The following MATR3 variants were observed in gnomAD, a reference collection of about 807,000 sequenced individuals.
The protein encoded by MATR3 is matrin 3, also known as matrin-3.
MATR3 carries 4 observed loss-of-function variants against 85.5 expected under a neutral mutation model. The ratio of observed to expected loss-of-function variants is 0.05; its 90% CI spans 0.02 to 0.11. The LOEUF is 0.11. MATR3 is among the 10% of genes least tolerant of loss of function. MATR3 has a pLI of 1.00. For missense variants in MATR3, 685 were observed against 1,016.1 expected (o/e 0.67, Z 4.43); for synonymous variants, 336 against 343.1 (o/e 0.98, Z 0.23).
intron 2 of MATR3, chr5:139,312,688 C>T (rs910706437): frequency 2.6e-5 from 4 of 152,268 alleles, no homozygotes; most frequent in African/African-American, 9.6e-5. Flanking sequence ...CAGTTTCACT[C>T]TTGCCCAGAC....
chr5:139,315,148 ATTT>A (rs576618521), intron 3 of MATR3: 170 of 172,452 alleles, frequency 9.9e-4, no homozygotes, highest in South Asian at 2.8e-3. Flanking sequence ...TTGGTGATGA[ATTT>A]TTTTTTTTTT....
intron 10 of MATR3, 136 bp from the exon 11 acceptor site, chr5:139,322,327 C>G: frequency 1.2e-6 from 1 of 844,348 alleles, no homozygotes; most frequent in Non-Finnish European, 2.0e-6. Context: ...TGTCTGTAGG[C>G]AGCTTAGGTT....
At position 139,329,493 on chromosome 5, in the gene MATR3, T is replaced by G. The variant is rs1756025468; in HGVS notation, c.*98T>G. Reference sequence around the variant, plus strand: ...ACAATACTGATAGTTAGAAGAAAACTATTGTACTCTTTTGTTTTAGTGGAG... The same window carrying G: ...ACAATACTGATAGTTAGAAGAAAACGATTGTACTCTTTTGTTTTAGTGGAG... On this transcript the variant is annotated 3_prime_UTR_variant, in exon 15 of 15. Transcript: ENST00000394805. The G allele has an allele frequency of 9.9e-7, 1 of 1,007,592 alleles. No homozygotes were observed. The allele number at this position is 1,007,592 out of a possible 1,614,324, so 62.4% of individuals were successfully genotyped here.
chr5:139,323,010 C>G (rs1358416179), intron 12 of MATR3, 43 bp downstream of exon 12: 12 of 1,568,766 alleles, frequency 7.6e-6, no homozygotes, highest in South Asian at 1.2e-5. Flanking sequence ...AACATTAGAT[C>G]AGATCAGTAT....
rs984288032 is a variant in MATR3, at chr5:139,324,041, A to G, written c.2148+1074A>G. Among the ~76,000 whole-genome samples, 8 of 152,208 alleles carry G rather than the reference A, an allele frequency of 5.3e-5. No individual in the cohort carries two copies. The East Asian group carries it at 1.5e-3, about 29-fold the overall frequency. ...AATAACTTCATTAATTTTTCTCACTAGAGCTGATCATTATGTTTACATTTG... is the reference window on the plus strand; with the variant it reads ...AATAACTTCATTAATTTTTCTCACTGGAGCTGATCATTATGTTTACATTTG... On this transcript the variant is annotated intron_variant, in intron 12 of 14. Transcript: ENST00000394805.
chr5:139,281,784 ATTGCT>A (rs1753538966), intron 3 of MATR3, among the ~76,000 whole-genome samples: 1 of 152,154 alleles, frequency 6.6e-6, no homozygotes, highest in Non-Finnish European at 1.5e-5. Flanking sequence ...GCCTCTTTTC[ATTGCT>A]TAGGCCAAGT....
chr5:139,288,103 G>C (rs1753762878), intron 3 of MATR3, among the ~76,000 whole-genome samples: 1 of 152,034 alleles, frequency 6.6e-6, no homozygotes, highest in African/African-American at 2.4e-5. Context: ...GTAGTCCCAG[G>C]TACTCGGAGG....
At position 139,330,821 on chromosome 5, in the gene MATR3, A is replaced by G. The variant is rs769420636; in HGVS notation, c.*1426A>G. On this transcript the variant is annotated 3_prime_UTR_variant, in exon 15 of 15. Coordinates refer to ENST00000394805, the MANE Select transcript of MATR3 (RefSeq NM_018834.6). ...ACAATTTTTTTTTCTTCCCTGACAC[A>G]GGGTCTCACTCTGTCACCCAGACTG... 1.8e-5 allele frequency: 8 copies of G among 454,072 alleles called. No homozygotes were observed. The East Asian group carries it at 4.9e-4, about 28-fold the overall frequency. The allele number at this position is 454,072 out of a possible 1,614,324, so 28.1% of individuals were successfully genotyped here.
intron 3 of MATR3, among the ~76,000 whole-genome samples, chr5:139,285,513 T>A (rs1364218050): frequency 1.3e-5 from 2 of 152,134 alleles, no homozygotes; most frequent in African/African-American, 4.8e-5. Flanking sequence ...AAATTTTTAT[T>A]TGAGACAGAA....
intron 13 of MATR3, 49 bp downstream of exon 13, chr5:139,325,711 A>G: frequency 6.7e-7 from 1 of 1,482,512 alleles, no homozygotes. Context: ...CCTCAAAACA[A>G]ACTCTTAGGT....
chr5:139,314,328 T>A (rs1755140013), intron 2 of MATR3: 1 of 315,678 alleles, frequency 3.2e-6, no homozygotes, highest in East Asian at 7.4e-5. Context: ...ATACAATGAA[T>A]ACTTCAGTTT....
At chr5:139,319,144 G>A (rs2151995794) in intron 8 of MATR3, 111 bp downstream of exon 8, 2 of 1,347,430 alleles carry the variant, frequency 1.5e-6, no homozygotes, top group Middle Eastern at 2.1e-4. Context: ...GCTCACGCCT[G>A]TAATCCCAGC....
At chr5:139,275,672 C>T (rs1165280988) in intron 1 of MATR3, among the ~76,000 whole-genome samples, 2 of 152,232 alleles carry the variant, frequency 1.3e-5, no homozygotes, top group East Asian at 1.9e-4. Context: ...TTGGTGTGCT[C>T]GCTCACGCCT....
intron 9 of MATR3, 132 bp from the exon 10 acceptor site, chr5:139,321,766 C>T: frequency 1.1e-6 from 1 of 910,378 alleles, no homozygotes; most frequent in Non-Finnish European, 1.7e-6. Flanking sequence ...CTGGGTGACA[C>T]AGTGAGACCC....
At chr5:139,321,526 T>C (rs1755568644) in intron 9 of MATR3, among the ~76,000 whole-genome samples, 2 of 152,176 alleles carry the variant, frequency 1.3e-5, no homozygotes, top group Admixed American at 6.5e-5. Flanking sequence ...CTGTCACCTG[T>C]AATCCCAGCA....
At chr5:139,327,287 G>T (rs1461830705) in intron 14 of MATR3, among the ~76,000 whole-genome samples, 1 of 149,900 alleles carries the variant, frequency 6.7e-6, no homozygotes, top group African/African-American at 2.5e-5. Flanking sequence ...TCAAGTTCTT[G>T]GCTGTGTGTC....
upstream of MATR3, among the ~76,000 whole-genome samples, chr5:139,291,700 G>A (rs1191011112): frequency 1.1e-4 from 16 of 152,000 alleles, no homozygotes. Context: ...CACCATGCCC[G>A]GTTAATTTTT....
chr5:139,286,028 C>T (rs1341812968), intron 3 of MATR3, among the ~76,000 whole-genome samples: 10 of 152,114 alleles, frequency 6.6e-5, no homozygotes, highest in Admixed American at 6.5e-4. Context: ...ATCCAAGAAC[C>T]CCAAATATAT....
intron 3 of MATR3, among the ~76,000 whole-genome samples, chr5:139,286,766 C>T (rs968132441): frequency 6.6e-6 from 1 of 151,584 alleles, no homozygotes; most frequent in Non-Finnish European, 1.5e-5. Context: ...ATTGCTTGAA[C>T]CTGGGAGGCG....
Sources: gnomAD v4.1 joint callset for allele counts (sites outside exome capture counted in the v4.1 genomes callset) on GRCh38, gnomAD v4.1.1 for gene constraint, MANE v1.5 for transcripts, NCBI Gene and HGNC (gene_info 2026-07-23, HGNC 2026-07-21) for gene names.